The following PPFIA1 variants were observed in gnomAD, a reference collection of about 807,000 sequenced individuals.
PPFIA1 encodes the protein liprin-alpha-1.
In PPFIA1, 25 loss-of-function variants were observed where a neutral mutation model predicts 149.9. That is an observed-to-expected ratio of 0.17 (90% CI 0.12 to 0.23). The LOEUF is 0.23. Among genes scored for constraint, PPFIA1 ranks in the 10% least tolerant of loss-of-function variants. The pLI, the probability that PPFIA1 is intolerant of heterozygous loss-of-function variation, is 1.00. For missense variants in PPFIA1, 1,362 were observed against 1,506.5 expected, an observed-to-expected ratio of 0.90 and a Z score of 1.59; for synonymous variants, 549 against 552.8, an observed-to-expected ratio of 0.99 and a Z score of 0.10.
chr11:70,297,427 A>G (rs1342749975), intron 2 of PPFIA1, among the ~76,000 whole-genome samples: 1 of 152,104 alleles, frequency 6.6e-6, no homozygotes, highest in Non-Finnish European at 1.5e-5. Flanking sequence ...AAAAAGAAAA[A>G]ATGAAAAAAG....
In PPFIA1 at chr11:70,272,299, A is replaced by G. The variant is rs141943495; in HGVS notation, c.127A>G (p.Met43Val). The G allele has an allele frequency of 2.7e-5, 44 of 1,614,092 alleles. No individual in the cohort carries two copies. Among genetic ancestry groups the G allele is most frequent in the Admixed American group, 1.3e-4 (8 of 60,006 alleles). The change falls in exon 2 of 28, where the codon ATG becomes GTG. Residue 43 changes from methionine (M) to valine (V), a missense_variant. Met to Val is a conservative substitution (Grantham distance 21, BLOSUM62 1). Coordinates refer to ENST00000253925, the MANE Select transcript of PPFIA1 (RefSeq NM_003626.5). Reference protein sequence around the residue: ...DSHFEQLMVSMLEERDRLLDT... With the variant: ...DSHFEQLMVSVLEERDRLLDT... ...ACATTTTGAACAGTTGATGGTCTCC[A>G]TGCTAGAAGAAAGGGACCGCCTTCT... is the stretch of plus-strand genomic sequence containing the variant.
chr11:70,333,382 T>C (rs1043102324), intron 9 of PPFIA1, 88 bp from the exon 10 acceptor site: 5 of 973,896 alleles, frequency 5.1e-6, no homozygotes, highest in East Asian at 2.5e-5. Context: ...ACGCAGAGCA[T>C]GTTGTGCCTG....
In PPFIA1 at chr11:70,326,647, T is replaced by G; in HGVS notation, c.759T>G (p.Ile253Met). The change falls in exon 7 of 28, where the codon ATT becomes ATG. Residue 253 changes from isoleucine (I) to methionine (M), a missense_variant. By Grantham distance (10) the Ile-to-Met change is conservative. Around this residue, in one of 7 missense-constraint regions of PPFIA1, gnomAD observed 733 missense variants for 744.1 expected, o/e 0.99. Transcript: ENST00000253925. ...ACGAGGAAGACCTTGCTAAAGTAAT[T>G]GAGCTCCAAGAAATCATAAGTAAGC... ...LSHEEDLAKV[I>M]ELQEIISKQS... The G allele has an allele frequency of 1.9e-6, 3 of 1,614,174 alleles. No homozygotes were observed. Among genetic ancestry groups the G allele is most frequent in the Non-Finnish European group, 2.5e-6 (3 of 1,180,036 alleles).
At chr11:70,330,741 G>C (rs2054602944) in intron 8 of PPFIA1, among the ~76,000 whole-genome samples, 1 of 152,024 alleles carries the variant, frequency 6.6e-6, no homozygotes, top group African/African-American at 2.4e-5. Context: ...AAGATCGCTT[G>C]AGCCCAGGAA....
chr11:70,365,539 A>T (rs1310988901), intron 21 of PPFIA1: 2 of 425,660 alleles, frequency 4.7e-6, no homozygotes, highest in African/African-American at 4.1e-5. Flanking sequence ...TTTTCCATTC[A>T]GTCGTTCCAG....
chr11:70,281,090 C>CT (rs2050734914), intron 2 of PPFIA1, among the ~76,000 whole-genome samples: 1 of 152,142 alleles, frequency 6.6e-6, no homozygotes, highest in Non-Finnish European at 1.5e-5. Context: ...TCTGATAACT[C>CT]TATTATATGG....
chr11:70,343,632 T>TCA (rs1349351294), intron 14 of PPFIA1, 37 bp from the exon 15 acceptor site: 1 of 1,551,480 alleles, frequency 6.4e-7, no homozygotes, highest in African/African-American at 1.4e-5. Context: ...CTAATGTTGT[T>TCA]ACTTTATCTA....
intron 15 of PPFIA1, among the ~76,000 whole-genome samples, chr11:70,347,091 TTAGTC>T (rs1335955952): frequency 6.6e-6 from 1 of 152,194 alleles, no homozygotes; most frequent in Non-Finnish European, 1.5e-5. Context: ...ATATTTTCGT[TTAGTC>T]TAAACAGTTA....
intron 5 of PPFIA1, 152 bp from the exon 6 acceptor site, chr11:70,326,110 T>A: frequency 1.8e-6 from 1 of 565,942 alleles, no homozygotes. Context: ...ATGATCTGGT[T>A]ATTTTCGGAT....
intron 14 of PPFIA1, among the ~76,000 whole-genome samples, chr11:70,342,451 C>T (rs1355605831): frequency 6.6e-6 from 1 of 152,184 alleles, no homozygotes; most frequent in African/African-American, 2.4e-5. Flanking sequence ...CACACTTTTC[C>T]CTCTGCATTC....
chr11:70,281,194 G>A (rs1213760793), intron 2 of PPFIA1, among the ~76,000 whole-genome samples: 1 of 152,084 alleles, frequency 6.6e-6, no homozygotes, highest in African/African-American at 2.4e-5. Flanking sequence ...CAGACATTAT[G>A]TATGAAAAAC....
At position 70,327,912 on chromosome 11, in the gene PPFIA1, G is replaced by C. The variant is rs113935022; in HGVS notation, c.930+1094G>C. 2.0e-3 allele frequency among the ~76,000 whole-genome samples: 300 copies of C among 152,276 alleles called. 2 individuals are homozygous for C. Among genetic ancestry groups the C allele is most frequent in the African/African-American group, 7.0e-3 (292 of 41,554 alleles). Reference sequence around the variant, plus strand: ...CCGTTGAATGTCTGCTTTTCAGTTTGGTAGTTTGACGTTGAGTAATTTCAT... The same window carrying C: ...CCGTTGAATGTCTGCTTTTCAGTTTCGTAGTTTGACGTTGAGTAATTTCAT... On this transcript the variant is annotated intron_variant, in intron 7 of 27. Coordinates refer to ENST00000253925, the MANE Select transcript of PPFIA1 (RefSeq NM_003626.5).
intron 2 of PPFIA1, among the ~76,000 whole-genome samples, chr11:70,293,072 C>G (rs906042457): frequency 1.3e-5 from 2 of 152,242 alleles, no homozygotes; most frequent in African/African-American, 4.8e-5. Context: ...TGGTGCTATT[C>G]TGTCCCCAGT....
At chr11:70,295,690 C>T (rs1171773321) in intron 2 of PPFIA1, among the ~76,000 whole-genome samples, 4 of 137,800 alleles carry the variant, frequency 2.9e-5, no homozygotes, top group African/African-American at 8.2e-5. Flanking sequence ...CGGGGGCTGA[C>T]CCCCCCCACC....
At chr11:70,288,745 T>C (rs986149315) in intron 2 of PPFIA1, among the ~76,000 whole-genome samples, 3 of 152,200 alleles carry the variant, frequency 2.0e-5, no homozygotes, top group Non-Finnish European at 4.4e-5. Flanking sequence ...TATTGTCCCT[T>C]TCAGATTGGC....
chr11:70,284,379 G>A (rs2050963763), intron 2 of PPFIA1, among the ~76,000 whole-genome samples: 1 of 152,156 alleles, frequency 6.6e-6, no homozygotes, highest in African/African-American at 2.4e-5. Flanking sequence ...CACTGAATTT[G>A]CCATCTTGTC....
chr11:70,281,233 C>T (rs2050742478), intron 2 of PPFIA1, among the ~76,000 whole-genome samples: 1 of 152,078 alleles, frequency 6.6e-6, no homozygotes, highest in Non-Finnish European at 1.5e-5. Flanking sequence ...ATGCTGTCTT[C>T]CTTCAGAAAG....
chr11:70,299,734 C>A (rs1459317637), intron 2 of PPFIA1, among the ~76,000 whole-genome samples: 3 of 152,188 alleles, frequency 2.0e-5, no homozygotes, highest in African/African-American at 7.2e-5. Flanking sequence ...CCTGCTGCCA[C>A]TCAGAGGCTC....
At chr11:70,353,592 C>T (rs1283797799) in intron 16 of PPFIA1, among the ~76,000 whole-genome samples, 1 of 152,160 alleles carries the variant, frequency 6.6e-6, no homozygotes, top group African/African-American at 2.4e-5. Context: ...TCACGTTCCA[C>T]TGCAAAAACA....
Sources: gnomAD v4.1 joint callset for allele counts (sites outside exome capture counted in the v4.1 genomes callset) on GRCh38, gnomAD v4.1.1 for gene constraint, gnomAD v4.1.1 regional missense constraint, MANE v1.5 for transcripts, NCBI Gene and HGNC (gene_info 2026-07-23, HGNC 2026-07-21) for gene names.